F8: variants seen among roughly 807,000 people sequenced by gnomAD.
The protein encoded by F8 is coagulation factor VIII, also known as antihemophilic factor.
A neutral mutation model predicts 140.6 loss-of-function variants in F8; 12 were observed. The observed-to-expected ratio is 0.09, with a 90% CI of 0.05 to 0.14. F8 has a LOEUF of 0.14. Among genes scored for constraint, F8 ranks in the 10% least tolerant of loss-of-function variants. The probability of loss-of-function intolerance (pLI) is 1.00; values close to 1 mark genes in which losing one functional copy is unlikely to be tolerated. For missense variants in F8, 1,354 were observed against 1,720.7 expected (o/e 0.79, Z 3.77); for synonymous variants, 585 against 614.6 (o/e 0.95, Z 0.71).
At chrX:154,992,646 C>T (rs1368162616) in intron 4 of F8, among the ~76,000 whole-genome samples, 1 of 112,137 alleles carries the variant, frequency 8.9e-6, no homozygotes, top group African/African-American at 3.2e-5. Context: ...GTAGAAATCA[C>T]TACTGATAAA....
At chrX:154,870,017 A>T (rs2072760420) in intron 22 of F8, among the ~76,000 whole-genome samples, 1 of 112,243 alleles carries the variant, frequency 8.9e-6, no homozygotes, top group South Asian at 3.7e-4. Context: ...ATCCCTGAAT[A>T]GACCTATAAC....
intron 1 of F8, among the ~76,000 whole-genome samples, chrX:155,012,868 C>A (rs1311477620): frequency 1.8e-5 from 2 of 109,682 alleles, no homozygotes; most frequent in African/African-American, 6.6e-5. Flanking sequence ...AATAGTCAGC[C>A]GGGCGCGGTG....
intron 25 of F8, among the ~76,000 whole-genome samples, chrX:154,842,381 T>C (rs1320841713): frequency 1.8e-5 from 2 of 111,695 alleles, no homozygotes; most frequent in African/African-American, 6.5e-5. Context: ...TACTTCCTTT[T>C]GGTTTATTTT....
At chrX:154,904,236 C>T (rs1250721847) in intron 17 of F8, 60 bp downstream of exon 17, 2 of 1,112,472 alleles carry the variant, frequency 1.8e-6, no homozygotes, top group Non-Finnish European at 2.5e-6. Flanking sequence ...GATCAAGTCT[C>T]ATTTGTCAAA....
intron 25 of F8, among the ~76,000 whole-genome samples, chrX:154,847,903 C>T (rs1364469762): frequency 3.5e-5 from 4 of 112,726 alleles, no homozygotes; most frequent in African/African-American, 1.3e-4. Flanking sequence ...TGTTTTTTCC[C>T]CATCTTTGTG....
intron 9 of F8, 187 bp downstream of exon 9, chrX:154,965,783 A>G (rs1467383456): frequency 6.9e-6 from 3 of 435,615 alleles, no homozygotes; most frequent in East Asian, 7.8e-5. Context: ...TTAGTGGGTG[A>G]CATTAAATTT....
chrX:154,948,867 T>TTATAGAAATATTATAGAAA (rs2073321985), intron 12 of F8, among the ~76,000 whole-genome samples: 1 of 112,103 alleles, frequency 8.9e-6, no homozygotes, highest in Non-Finnish European at 1.9e-5. Flanking sequence ...CATTGAGATA[T>TTATAGAAATATTATAGAAA]TATAAAGCTA....
intron 18 of F8, among the ~76,000 whole-genome samples, chrX:154,902,548 A>T (rs1326313380): frequency 8.9e-6 from 1 of 111,841 alleles, no homozygotes; most frequent in Non-Finnish European, 1.9e-5. Context: ...GATCCAGTCC[A>T]CTAGAGCTGC....
intron 14 of F8, among the ~76,000 whole-genome samples, chrX:154,916,887 T>A (rs2124023169): frequency 9.0e-6 from 1 of 111,073 alleles, no homozygotes; most frequent in Admixed American, 9.6e-5. Context: ...ATTACCAGGT[T>A]TATTTGAGTC....
At chrX:154,895,758 T>C (rs921248644) in intron 22 of F8, among the ~76,000 whole-genome samples, 85 of 111,701 alleles carry the variant, frequency 7.6e-4, no homozygotes, top group African/African-American at 2.5e-3. Flanking sequence ...TTTCACCTAC[T>C]GCCTGCTGGA....
intron 23 of F8, 55 bp from the exon 24 acceptor site, chrX:154,861,921 T>C: frequency 8.7e-7 from 1 of 1,143,587 alleles, no homozygotes; most frequent in Non-Finnish European, 1.2e-6. Flanking sequence ...GCCTCAGTTA[T>C]ACTGAGCAGC....
At chrX:154,959,384 T>C (rs2073384098) in intron 10 of F8, among the ~76,000 whole-genome samples, 1 of 107,406 alleles carries the variant, frequency 9.3e-6, no homozygotes, top group Admixed American at 9.8e-5. Context: ...AGACGCTGTC[T>C]CAAAAAAAAA....
At chrX:154,942,201 C>T (rs1416361517) in intron 13 of F8, among the ~76,000 whole-genome samples, 2 of 106,782 alleles carry the variant, frequency 1.9e-5, no homozygotes, top group Non-Finnish European at 3.9e-5. Context: ...ACACAAAAAA[C>T]CCTTCAAAAA....
At chrX:154,874,889 C>A (rs1260154989) in intron 22 of F8, among the ~76,000 whole-genome samples, 1 of 111,994 alleles carries the variant, frequency 8.9e-6, no homozygotes, top group Non-Finnish European at 1.9e-5. Context: ...TGTTGAATAT[C>A]TGCACTCCCA....
intron 22 of F8, among the ~76,000 whole-genome samples, chrX:154,879,862 C>G (rs1557274306): frequency 9.0e-6 from 1 of 111,355 alleles, no homozygotes; most frequent in Non-Finnish European, 1.9e-5. Context: ...TCTGTCTCTC[C>G]TGCTCCACCA....
intron 14 of F8, among the ~76,000 whole-genome samples, chrX:154,927,968 T>G (rs2073169495): frequency 8.9e-6 from 1 of 112,053 alleles, no homozygotes; most frequent in African/African-American, 3.2e-5. Flanking sequence ...TATTATTCTA[T>G]TCTATCTTCT....
intron 14 of F8, among the ~76,000 whole-genome samples, chrX:154,926,238 C>T (rs1205452795): frequency 8.9e-6 from 1 of 111,834 alleles, no homozygotes; most frequent in Non-Finnish European, 1.9e-5. Flanking sequence ...TGTAAATTGC[C>T]CAGTCTCAGG....
intron 15 of F8, among the ~76,000 whole-genome samples, chrX:154,906,137 C>G (rs1254554153): frequency 9.0e-6 from 1 of 111,182 alleles, no homozygotes; most frequent in African/African-American, 3.3e-5. Context: ...ATATAATAGA[C>G]TATTATGCAG....
intron 19 of F8, 32 bp downstream of exon 19, chrX:154,902,019 G>C (rs782604041): frequency 3.5e-5 from 34 of 966,374 alleles, no homozygotes; most frequent in Middle Eastern, 2.6e-4. Flanking sequence ...AGGCTGAGTA[G>C]GTAGGGAACC....
Sources: gnomAD v4.1 joint callset for allele counts (sites outside exome capture counted in the v4.1 genomes callset) on GRCh38, gnomAD v4.1.1 for gene constraint, MANE v1.5 for transcripts, NCBI Gene and HGNC (gene_info 2026-07-23, HGNC 2026-07-21) for gene names.